Variants in TAF5L observed in about 807,000 individuals in gnomAD.
The protein encoded by TAF5L is TATA-box binding protein associated factor 5 like, also known as TAF5-like RNA polymerase II p300/CBP-associated factor-associated factor 65 kDa subunit 5L.
TAF5L carries 7 observed loss-of-function variants against 51.3 expected under a neutral mutation model. The observed-to-expected ratio is 0.14, with a 90% confidence interval of 0.08 to 0.26. The LOEUF is 0.26. Ranked by LOEUF, TAF5L falls within the 10% of genes least tolerant of loss-of-function variation. TAF5L has a pLI of 1.00. For missense variants in TAF5L, 575 were observed against 758.9 expected (o/e 0.76, Z 2.85); for synonymous variants, 291 against 308.1 (o/e 0.94, Z 0.58).
intron 1 of TAF5L, among the ~76,000 whole-genome samples, chr1:229,618,180 A>C (rs147570882): frequency 6.6e-4 from 101 of 152,356 alleles, no homozygotes; most frequent in African/African-American, 2.2e-3. Context: ...GGAGAGACTC[A>C]TACATGAGAC....
chr1:229,625,152 TCCGCTAAGTCTAAAATGACA>T lies in TAF5L; in HGVS notation c.-4+713_-4+732del, dbSNP rs1305353915. Among the ~76,000 whole-genome samples the T allele has an allele frequency of 6.6e-6, 1 of 152,164 alleles. No homozygotes were observed. The highest frequency in any genetic ancestry group is 1.9e-4 in the East Asian group (1 of 5,196). On this transcript the variant is annotated intron_variant, in intron 1 of 4. Transcript: ENST00000258281. The surrounding 1 kb of genome is among the most constrained non-coding windows in gnomAD (Gnocchi z 4.0). ...GCATGTAGCGTTCCTGCACTCCACT[TCCGCTAAGTCTAAAATGACA>T]CCACTGTTTCTAACCATCCACTCAC...
At chr1:229,624,395 T>C (rs1665341470) in intron 1 of TAF5L, among the ~76,000 whole-genome samples, 1 of 152,234 alleles carries the variant, frequency 6.6e-6, no homozygotes, top group Admixed American at 6.5e-5. Flanking sequence ...AAAATTAGCA[T>C]ATATTCCATT....
intron 3 of TAF5L, chr1:229,606,749 C>T (rs765032406): frequency 4.1e-6 from 4 of 985,422 alleles, no homozygotes; most frequent in Non-Finnish European, 4.8e-6. Flanking sequence ...GTTTAAGAGT[C>T]ACAGCTGGCC....
At position 229,594,387 on chromosome 1, in the gene TAF5L, G is replaced by A. The variant is rs771965136; in HGVS notation, c.1680C>T (p.Thr560=). Residue 560 remains threonine (T), a synonymous_variant, in exon 5 of 5, where the codon ACC becomes ACT. Transcript: ENST00000258281. The surrounding 1 kb of genome is among the most constrained non-coding windows in gnomAD (Gnocchi z 7.9). ...CGCTCAGGACGTTGCTCATCTGCCC[G>A]GTGTACACGCCCACGAGCTCGCTGG... 3.1e-6 allele frequency: 5 copies of A among 1,614,164 alleles called. No homozygotes were observed. The highest frequency in any genetic ancestry group is 2.2e-5 in the East Asian group (1 of 44,886).
chr1:229,621,930 C>T (rs1379640252), intron 1 of TAF5L, among the ~76,000 whole-genome samples: 3 of 152,056 alleles, frequency 2.0e-5, no homozygotes, highest in South Asian at 2.1e-4. Flanking sequence ...CAATAAAGCA[C>T]GTCTTAAATC....
exon 5 of TAF5L, chr1:229,595,037 G>C: frequency 6.2e-7 from 1 of 1,613,820 alleles, no homozygotes; most frequent in Non-Finnish European, 8.5e-7. Flanking sequence ...CTGTACACTG[G>C]TCCGCAGTGG....
rs1466952317 is a variant in TAF5L at position 229,602,709 on chromosome 1, A to C, written c.458T>G (p.Phe153Cys). 2 of 1,613,964 alleles carry C rather than the reference A, an allele frequency of 1.2e-6. No homozygotes were observed. Among genetic ancestry groups the C allele is most frequent in the African/African-American group, 2.7e-5 (2 of 74,878 alleles). Residue 153 changes from phenylalanine (F) to cysteine (C), a missense_variant, in exon 4 of 5, where the codon TTC becomes TGC. Around this residue, in one of 3 missense-constraint regions of TAF5L, gnomAD observed 380 missense variants for 443.7 expected, o/e 0.86. Coordinates refer to ENST00000258281, the Ensembl canonical transcript of TAF5L. The surrounding 1 kb of genome is among the most constrained non-coding windows in gnomAD (Gnocchi z 4.6). ...GTTATCTAGGAATGCTCGAAGCTTG[A>C]AGTTAGATAGGATGTCCTGGATGGT...
chr1:229,594,932 A>G lies in TAF5L; in HGVS notation c.1135T>C (p.Leu379=). 6.2e-7 allele frequency: 1 copy of G among 1,614,230 alleles called. No individual in the cohort carries two copies. The highest frequency in any genetic ancestry group is 8.5e-7 in the Non-Finnish European group (1 of 1,180,042). ...ACAGGATAGGCATGTCCTTGGTACAACACAGTGTTGGTGAAACTCCCCAGA... is the reference window on the plus strand; with the variant it reads ...ACAGGATAGGCATGTCCTTGGTACAGCACAGTGTTGGTGAAACTCCCCAGA... Residue 379 remains leucine, a synonymous_variant, in exon 5 of 5, where the codon TTG becomes CTG. Coordinates refer to ENST00000258281, the Ensembl canonical transcript of TAF5L. The surrounding 1 kb of genome is among the most constrained non-coding windows in gnomAD (Gnocchi z 7.9).
intron 4 of TAF5L, 39 bp from the exon 5 acceptor site, chr1:229,595,133 C>CA (rs1558142753): frequency 6.5e-7 from 1 of 1,527,706 alleles, no homozygotes; most frequent in East Asian, 2.3e-5. Flanking sequence ...GAAACACACA[C>CA]AAAAAATGTT....
intron 1 of TAF5L, among the ~76,000 whole-genome samples, chr1:229,619,212 A>C (rs1665117814): frequency 6.6e-6 from 1 of 152,214 alleles, no homozygotes; most frequent in African/African-American, 2.4e-5. Context: ...CATCATGATA[A>C]AGTGTATTCA....
chr1:229,601,991 G>T, intron 4 of TAF5L: 1 of 1,403,514 alleles, frequency 7.1e-7, no homozygotes, highest in Non-Finnish European at 9.3e-7. Context: ...TTAATAAGAA[G>T]TTAATGCTGC....
intron 2 of TAF5L, 58 bp from the exon 3 acceptor site, chr1:229,610,268 A>G: frequency 6.6e-7 from 1 of 1,525,364 alleles, no homozygotes; most frequent in Non-Finnish European, 9.1e-7. Flanking sequence ...TTATTAACCC[A>G]GTACGTGGCA....
intron 1 of TAF5L, among the ~76,000 whole-genome samples, chr1:229,622,886 G>A (rs916652627): frequency 1.3e-5 from 2 of 152,190 alleles, no homozygotes; most frequent in Admixed American, 1.3e-4. Context: ...ATCGGCATGA[G>A]CCACCACACC....
At chr1:229,595,313 C>A (rs1323933564) in intron 4 of TAF5L, among the ~76,000 whole-genome samples, 2 of 152,222 alleles carry the variant, frequency 1.3e-5, no homozygotes, top group Non-Finnish European at 2.9e-5. Context: ...AATTGCTCCC[C>A]TTAAATTCAC....
At position 229,602,581 on chromosome 1, in the gene TAF5L, G is replaced by A. The variant is rs748916230; in HGVS notation, c.586C>T (p.His196Tyr). The change falls in exon 4 of 5, where the codon CAT becomes TAT. Residue 196 changes from histidine (H) to tyrosine (Y), a missense_variant. Physicochemically the swap from His to Tyr is moderately conservative, Grantham distance 83 (BLOSUM62 2). Coordinates refer to ENST00000258281, the Ensembl canonical transcript of TAF5L. This position sits in a 1 kb window ranked among gnomAD's most constrained non-coding sequence, Gnocchi z 4.6. ...CTCTTGGCAGGCTGCACGTCAAGAT[G>A]AATATGTAAGGTGAGGACTTTGCAC... The A allele has an allele frequency of 3.5e-5, 57 of 1,614,104 alleles. No individual in the cohort carries two copies. The highest frequency in any genetic ancestry group is 3.3e-4 in the Middle Eastern group (2 of 6,084).
chr1:229,615,144 T>C (rs376098536), intron 1 of TAF5L, among the ~76,000 whole-genome samples: 2 of 152,128 alleles, frequency 1.3e-5, no homozygotes, highest in African/African-American at 4.8e-5. Flanking sequence ...CTGGAGTGCA[T>C]TGGTGCGATC....
At chr1:229,607,044 A>G in intron 3 of TAF5L, 1 of 985,402 alleles carries the variant, frequency 1.0e-6, no homozygotes, top group Middle Eastern at 5.2e-4. Context: ...CCTAAATCCT[A>G]GCCTCAAATT....
At chr1:229,607,519 G>C in intron 3 of TAF5L, 1 of 978,530 alleles carries the variant, frequency 1.0e-6, no homozygotes, top group South Asian at 4.7e-5. Context: ...TCCTCTTCCA[G>C]TCTACTGAAA....
intron 1 of TAF5L, among the ~76,000 whole-genome samples, chr1:229,618,432 A>T (rs1355358662): frequency 6.6e-6 from 1 of 152,216 alleles, no homozygotes; most frequent in Non-Finnish European, 1.5e-5. Context: ...CACAATGTAT[A>T]TCTATTCTCA....
Sources: gnomAD v4.1 joint callset for allele counts (sites outside exome capture counted in the v4.1 genomes callset) on GRCh38, gnomAD v4.1.1 for gene constraint, gnomAD v4.1.1 regional missense constraint, Gnocchi (gnomAD v3.1) non-coding constraint, MANE v1.5 for transcripts, NCBI Gene and HGNC (gene_info 2026-07-23, HGNC 2026-07-21) for gene names.